FBXL7: variants seen among roughly 807,000 people sequenced by gnomAD.
The protein encoded by FBXL7 is F-box/LRR-repeat protein 7.
In FBXL7, 12 loss-of-function variants were observed where a neutral mutation model predicts 38.3. That is an observed-to-expected ratio of 0.31 (90% CI 0.20 to 0.51). FBXL7 has a LOEUF of 0.51. FBXL7 is among the 20% of genes least tolerant of loss of function. FBXL7 has a pLI of 0.98. For missense variants in FBXL7, 567 were observed against 676.4 expected, an observed-to-expected ratio of 0.84 and a Z score of 1.79; for synonymous variants, 297 against 300.9, an observed-to-expected ratio of 0.99 and a Z score of 0.13.
rs548315375 is a variant in FBXL7, at chr5:15,663,562, CCTGT to C, written c.127+47493_127+47496del. ...ATTGAATTTTATCAAAAGCCATTAC[CCTGT>C]CTATTGAGATAATGATGTGGGTTTT... On this transcript the variant is annotated intron_variant, in intron 2 of 3. Transcript: ENST00000504595. Among the ~76,000 whole-genome samples the C allele has an allele frequency of 3.3e-5, 5 of 152,122 alleles. No individual in the cohort carries two copies. In the South Asian group the frequency reaches 1.0e-3, roughly 32 times the overall value.
intron 2 of FBXL7, among the ~76,000 whole-genome samples, chr5:15,787,525 G>T (rs980145165): frequency 6.6e-6 from 1 of 152,056 alleles, no homozygotes; most frequent in South Asian, 2.1e-4. Context: ...GAAAGGAGAA[G>T]GTAAGATCAA....
chr5:15,772,568 A>G (rs545034540), intron 2 of FBXL7, among the ~76,000 whole-genome samples: 40 of 152,312 alleles, frequency 2.6e-4, no homozygotes, highest in African/African-American at 7.9e-4. Context: ...CACAGAAGCT[A>G]TGTCAACTTG....
intron 2 of FBXL7, among the ~76,000 whole-genome samples, chr5:15,800,671 G>A (rs1163497993): frequency 6.6e-6 from 1 of 152,186 alleles, no homozygotes; most frequent in Non-Finnish European, 1.5e-5. Context: ...CATTGCCAGT[G>A]AGCAGTAAAT....
intron 2 of FBXL7, among the ~76,000 whole-genome samples, chr5:15,905,940 A>G (rs749190433): frequency 3.3e-5 from 5 of 152,044 alleles, no homozygotes; most frequent in Non-Finnish European, 7.4e-5. Context: ...GTAACCAACT[A>G]GGATGTTACC....
intron 2 of FBXL7, among the ~76,000 whole-genome samples, chr5:15,737,244 A>G (rs148548522): frequency 9.8e-4 from 149 of 152,196 alleles, no homozygotes; most frequent in Non-Finnish European, 1.4e-3. Context: ...GTTACAGCTA[A>G]TGGTTTCCAT....
intron 1 of FBXL7, among the ~76,000 whole-genome samples, chr5:15,573,777 G>C (rs1199857442): frequency 2.6e-5 from 4 of 152,230 alleles, no homozygotes; most frequent in Non-Finnish European, 5.9e-5. Flanking sequence ...TGCAGAGCAT[G>C]AATGTGAGGT....
chr5:15,839,962 T>C (rs1456786043), intron 2 of FBXL7, among the ~76,000 whole-genome samples: 1 of 152,238 alleles, frequency 6.6e-6, no homozygotes, highest in Non-Finnish European at 1.5e-5. Flanking sequence ...GTTACAACTT[T>C]TATTTTTTTA....
intron 1 of FBXL7, among the ~76,000 whole-genome samples, chr5:15,583,243 GTCTCTCCCTC>G (rs1739201399): frequency 1.3e-5 from 2 of 152,102 alleles, no homozygotes; most frequent in Admixed American, 1.3e-4. Context: ...CTCCCAGCAG[GTCTCTCCCTC>G]GACACCTGGG....
At chr5:15,546,665 A>G (rs1316960809) in intron 1 of FBXL7, among the ~76,000 whole-genome samples, 1 of 152,234 alleles carries the variant, frequency 6.6e-6, no homozygotes, top group African/African-American at 2.4e-5. Context: ...TATGAGGTGG[A>G]AGTTGCAGTG....
In FBXL7 at chr5:15,883,494, C is replaced by T. The variant is rs142256481; in HGVS notation, c.128-44396C>T. Among the ~76,000 whole-genome samples, 780 of 152,206 alleles carry T rather than the reference C, an allele frequency of 5.1e-3. 7 individuals carry two copies. The highest frequency in any genetic ancestry group is 8.5e-3 in the Non-Finnish European group (575 of 68,004). ...CAAGTTTTATGCATAACAATTTTTT[C>T]GTGTTGTAAGAATGGGTTTTATAAC... On this transcript the variant is annotated intron_variant, in intron 2 of 3. Coordinates refer to ENST00000504595, the MANE Select transcript of FBXL7 (RefSeq NM_012304.5).
intron 2 of FBXL7, among the ~76,000 whole-genome samples, chr5:15,900,686 A>G (rs1359504172): frequency 6.6e-6 from 1 of 152,224 alleles, no homozygotes; most frequent in Non-Finnish European, 1.5e-5. Context: ...TAACAAATAA[A>G]TCAATAAAAC....
In FBXL7 at chr5:15,737,190, C is replaced by T. The variant is rs144844879; in HGVS notation, c.127+121118C>T. ...GATCTCCATTTTTCCACTGGGCGTC[C>T]GAAGCTCTTTGTCTTATCTATTCTG... On this transcript the variant is annotated intron_variant, in intron 2 of 3. Transcript: ENST00000504595. Among the ~76,000 whole-genome samples, 57 of 152,128 alleles carry T rather than the reference C, an allele frequency of 3.7e-4. 1 individual carries two copies. The highest frequency in any genetic ancestry group is 1.3e-3 in the African/African-American group (54 of 41,490).
chr5:15,681,286 A>G (rs1167372962), intron 2 of FBXL7, among the ~76,000 whole-genome samples: 2 of 152,230 alleles, frequency 1.3e-5, no homozygotes, highest in African/African-American at 4.8e-5. Flanking sequence ...CTTTAGAATT[A>G]TGCTGATAAT....
intron 1 of FBXL7, among the ~76,000 whole-genome samples, chr5:15,538,571 T>C (rs964524469): frequency 6.6e-6 from 1 of 152,216 alleles, no homozygotes; most frequent in African/African-American, 2.4e-5. Flanking sequence ...CAGATTTAAG[T>C]TGACATTGGA....
At chr5:15,872,834 C>T (rs546171919) in intron 2 of FBXL7, among the ~76,000 whole-genome samples, 5 of 152,022 alleles carry the variant, frequency 3.3e-5, no homozygotes, top group South Asian at 2.1e-4. Context: ...TAATAGTGAG[C>T]GACCTTAACA....
At chr5:15,897,539 A>G (rs1561180681) in intron 2 of FBXL7, among the ~76,000 whole-genome samples, 1 of 152,222 alleles carries the variant, frequency 6.6e-6, no homozygotes, top group South Asian at 2.1e-4. Flanking sequence ...GAAATACTTT[A>G]TGAAGAAGAT....
chr5:15,661,434 T>C (rs1225458809), intron 2 of FBXL7, among the ~76,000 whole-genome samples: 1 of 152,180 alleles, frequency 6.6e-6, no homozygotes, highest in Non-Finnish European at 1.5e-5. Flanking sequence ...TGTGTAATAT[T>C]GACTAGAAGT....
chr5:15,710,521 C>A lies in FBXL7; in HGVS notation c.127+94449C>A, dbSNP rs190748543. ...GCACAAAAAAACACACTCTTGCTTA[C>A]TTTAATTTTTTTCATACAGCTATCA... On this transcript the variant is annotated intron_variant, in intron 2 of 3. Transcript: ENST00000504595. 2.8e-4 allele frequency among the ~76,000 whole-genome samples: 42 copies of A among 152,236 alleles called. No individual in the cohort carries two copies. The East Asian group carries it at 3.5e-3, about 13-fold the overall frequency.
chr5:15,723,857 G>A (rs566852265), intron 2 of FBXL7, among the ~76,000 whole-genome samples: 137 of 152,206 alleles, frequency 9.0e-4, no homozygotes, highest in African/African-American at 3.2e-3. Flanking sequence ...GTCTATGTTG[G>A]GTAGTTTCTG....
Sources: gnomAD v4.1 joint callset for allele counts (sites outside exome capture counted in the v4.1 genomes callset) on GRCh38, gnomAD v4.1.1 for gene constraint, MANE v1.5 for transcripts, NCBI Gene and HGNC (gene_info 2026-07-23, HGNC 2026-07-21) for gene names.